The following GON4L variants were observed in gnomAD, a reference collection of about 807,000 sequenced individuals.
GON4L encodes GON-4-like protein.
GON4L carries 87 observed loss-of-function variants against 211.8 expected under a neutral mutation model. The ratio of observed to expected loss-of-function variants is 0.41; its 90% confidence interval spans 0.35 to 0.49. The LOEUF (loss-of-function observed/expected upper bound fraction) is 0.49. GON4L is among the 20% of genes least tolerant of loss of function. The pLI is 0.15. For missense variants in GON4L, 2,155 were observed against 2,659.5 expected (o/e 0.81, Z 4.17); for synonymous variants, 875 against 962.6 (o/e 0.91, Z 1.68).
intron 19 of GON4L, 24 bp from the exon 20 acceptor site, chr1:155,767,565 G>T: frequency 4.4e-6 from 7 of 1,597,848 alleles, no homozygotes; most frequent in South Asian, 1.1e-5. Context: ...AAATGCGCAT[G>T]AATTACATTC....
intron 10 of GON4L, among the ~76,000 whole-genome samples, chr1:155,807,703 C>CAAAAAAA (rs61248477): frequency 0.018 from 938 of 52,668 alleles, 119 homozygotes; most frequent in South Asian, 0.02. Flanking sequence ...GACTCCGTCT[C>CAAAAAAA]AAAAAAAAAA....
intron 14 of GON4L, among the ~76,000 whole-genome samples, chr1:155,780,148 T>C (rs1270930463): frequency 6.6e-6 from 1 of 152,112 alleles, no homozygotes; most frequent in African/African-American, 2.4e-5. Flanking sequence ...TGGAGAGCAG[T>C]AGGGTAATAT....
chr1:155,813,724 C>A lies in GON4L; in HGVS notation c.1362G>T (p.Pro454=). 1 of 1,613,572 alleles carries A rather than the reference C, an allele frequency of 6.2e-7. No individual in the cohort carries two copies. The highest frequency in any genetic ancestry group is 8.5e-7 in the Non-Finnish European group (1 of 1,179,596). ...TGAAAGTACTATCTCTGGTCTGTTT[C>A]GGCTTTGGAGGGGGCGGGGGCCCCA... ...VPMGPPPPPK[P]KQTRDSTFME... is the part of the protein sequence containing the mutation. Residue 454 remains proline (P), a synonymous_variant, in exon 10 of 32, where the codon CCG becomes CCT. Transcript: ENST00000368331.
intron 10 of GON4L, among the ~76,000 whole-genome samples, chr1:155,805,347 T>G (rs763271066): frequency 2.0e-5 from 3 of 152,196 alleles, no homozygotes; most frequent in Non-Finnish European, 2.9e-5. Flanking sequence ...TTAGGAAAAT[T>G]TATAACAGCT....
downstream of GON4L, chr1:155,747,788 C>T (rs773250394): frequency 2.4e-5 from 39 of 1,613,162 alleles, no homozygotes; most frequent in African/African-American, 1.1e-4. Flanking sequence ...GTGACCTGCA[C>T]GATGGCTTCT....
In GON4L at chr1:155,765,448, C is replaced by T. The variant is rs62000992; in HGVS notation, c.4025G>A (p.Arg1342His). ...AREEISGSPE[R>H]DICDDIKVEH... ...CACTTTGATGTCATCACAAATATCA[C>T]GCTCAGGGGATCCACTGATTTCCTC... Residue 1342 changes from arginine (R) to histidine (H), a missense_variant, in exon 21 of 32, where the codon CGT becomes CAT. Arg to His is a conservative substitution (Grantham distance 29). This residue lies in a region of GON4L where 615 missense variants were observed against 625.7 expected (regional missense o/e 0.98). Coordinates refer to ENST00000368331, the MANE Select transcript of GON4L (RefSeq NM_001282860.2). 3,524 of 1,614,166 alleles carry T rather than the reference C, an allele frequency of 2.2e-3. 46 individuals are homozygous for T. In the African/African-American group the frequency reaches 0.034, roughly 15 times the overall value.
intron 12 of GON4L, among the ~76,000 whole-genome samples, chr1:155,785,854 TG>T (rs564765800): frequency 1.2e-3 from 189 of 152,296 alleles, no homozygotes; most frequent in Non-Finnish European, 2.3e-3. Flanking sequence ...CTCAGCACTT[TG>T]GGAGGCCAAG....
intron 10 of GON4L, among the ~76,000 whole-genome samples, chr1:155,813,160 G>A (rs1007283203): frequency 5.3e-5 from 8 of 152,044 alleles, no homozygotes; most frequent in African/African-American, 9.7e-5. Flanking sequence ...AGCCAGGCAC[G>A]GTGGTTCACA....
intron 12 of GON4L, among the ~76,000 whole-genome samples, chr1:155,790,951 A>AC (rs1485844928): frequency 1.3e-5 from 2 of 151,198 alleles, no homozygotes; most frequent in East Asian, 3.9e-4. Context: ...TCAAAAAAAA[A>AC]CCAACAAACT....
intron 22 of GON4L, among the ~76,000 whole-genome samples, chr1:155,762,577 GACA>G (rs1420058278): frequency 1.3e-5 from 2 of 152,228 alleles, no homozygotes; most frequent in Non-Finnish European, 2.9e-5. Context: ...TAATTGGGAT[GACA>G]ACAAGATAAT....
chr1:155,797,415 G>T (rs528762101), intron 11 of GON4L, among the ~76,000 whole-genome samples: 2 of 151,246 alleles, frequency 1.3e-5, no homozygotes, highest in African/African-American at 2.4e-5. Flanking sequence ...AGAGTCTGGC[G>T]CCTCTTCCAT....
chr1:155,774,800 A>G (rs2363018), intron 17 of GON4L: 12 of 852,782 alleles, frequency 1.4e-5, no homozygotes, highest in African/African-American at 3.4e-5. Context: ...CTGCCTCCAC[A>G]CTTTACCCAG....
upstream of GON4L, chr1:155,857,405 C>G (rs1178518052): frequency 6.6e-6 from 1 of 152,254 alleles, no homozygotes; most frequent in East Asian, 1.9e-4. Flanking sequence ...CTACTCAAAA[C>G]TGAGGTTAAG....
At chr1:155,771,016 A>C in intron 19 of GON4L, 51 bp downstream of exon 19, 1 of 1,611,330 alleles carries the variant, frequency 6.2e-7, no homozygotes, top group Non-Finnish European at 8.5e-7. Flanking sequence ...AGATAAAAGA[A>C]TGGGTACATA....
At chr1:155,788,974 C>T (rs556072982) in intron 12 of GON4L, among the ~76,000 whole-genome samples, 16 of 151,956 alleles carry the variant, frequency 1.1e-4, no homozygotes, top group African/African-American at 3.4e-4. Flanking sequence ...CCTGTAGTCC[C>T]AGCTACTCGG....
upstream of GON4L, among the ~76,000 whole-genome samples, chr1:155,858,940 C>A (rs969220502): frequency 6.6e-6 from 1 of 152,020 alleles, no homozygotes; most frequent in African/African-American, 2.4e-5. Context: ...AGTGATCTGC[C>A]CGCCTTGGCC....
intron 15 of GON4L, 68 bp from the exon 16 acceptor site, chr1:155,776,549 CTTTT>C: frequency 3.8e-6 from 3 of 782,076 alleles, no homozygotes; most frequent in Non-Finnish European, 6.2e-6. Flanking sequence ...CCAGAGAGAT[CTTTT>C]TTTTTTTTCT....
chr1:155,802,313 G>GGC (rs386368381), intron 11 of GON4L, among the ~76,000 whole-genome samples: 2 of 21,752 alleles, frequency 9.2e-5, no homozygotes, highest in Non-Finnish European at 3.6e-4. Context: ...CATTTTCCTT[G>GGC]GGGGGGGGGA....
At chr1:155,811,746 C>A in intron 10 of GON4L, among the ~76,000 whole-genome samples, 1 of 64,138 alleles carries the variant, frequency 1.6e-5, no homozygotes, top group Non-Finnish European at 2.6e-5. Flanking sequence ...ACAGGCAAGA[C>A]TCTGTCTCAA....
Sources: gnomAD v4.1 joint callset for allele counts (sites outside exome capture counted in the v4.1 genomes callset) on GRCh38, gnomAD v4.1.1 for gene constraint, gnomAD v4.1.1 regional missense constraint, MANE v1.5 for transcripts, NCBI Gene and HGNC (gene_info 2026-07-23, HGNC 2026-07-21) for gene names.